Variants in AKIRIN2 observed in about 807,000 individuals in gnomAD.
AKIRIN2 encodes akirin 2.
AKIRIN2 carries 6 observed loss-of-function variants against 29.3 expected under a neutral mutation model. That is an observed-to-expected ratio of 0.20 (90% CI 0.11 to 0.40). The LOEUF (loss-of-function observed/expected upper bound fraction) is 0.40. Ranked by LOEUF, AKIRIN2 falls within the 10% of genes least tolerant of loss-of-function variation. The pLI is 1.00. For synonymous variants in AKIRIN2, 128 were observed against 117.5 expected (o/e 1.09, Z -0.58); for missense variants, 210 against 276.1 (o/e 0.76, Z 1.70).
In AKIRIN2 at chr6:87,675,574, C is replaced by A; in HGVS notation, c.*23G>T. ...AACAACTCAACAAGGAACAAGGCAG[C>A]CCACAAATGCAGGATACGTGATTCA... On this transcript the variant is annotated 3_prime_UTR_variant, in exon 5 of 5. Coordinates refer to ENST00000257787, the MANE Select transcript of AKIRIN2 (RefSeq NM_018064.4). 6.2e-7 allele frequency: 1 copy of A among 1,613,830 alleles called. No individual in the cohort carries two copies. Among genetic ancestry groups the A allele is most frequent in the Non-Finnish European group, 8.5e-7 (1 of 1,179,832 alleles).
chr6:87,686,139 C>A (rs530007160), intron 1 of AKIRIN2, among the ~76,000 whole-genome samples: 1 of 151,930 alleles, frequency 6.6e-6, no homozygotes, highest in Non-Finnish European at 1.5e-5. Context: ...TGCTTGAACC[C>A]GGGAGGAAGA....
chr6:87,701,599 G>C lies in AKIRIN2; in HGVS notation c.86C>G (p.Pro29Arg). Residue 29 changes from proline (P) to arginine (R), a missense_variant, in exon 1 of 5, where the codon CCA (proline) becomes CGA (arginine). By Grantham distance (103) the Pro-to-Arg change is moderately radical. Around this residue, in one of 2 missense-constraint regions of AKIRIN2, gnomAD observed 199 missense variants for 236.5 expected, o/e 0.84. Transcript: ENST00000257787. Reference protein sequence around the residue: ...PASPKRRRCAPLSAPTSAAAS... With the variant: ...PASPKRRRCARLSAPTSAAAS... ...AGCGGCCGAGGTGGGCGCCGACAAT[G>C]GCGCACATCGCCTGCGCTTCGGGGA... 7.0e-7 allele frequency: 1 copy of C among 1,438,246 alleles called. No individual in the cohort carries two copies. Among genetic ancestry groups the C allele is most frequent in the Non-Finnish European group, 9.1e-7 (1 of 1,098,388 alleles). 89.1% of individuals were successfully genotyped at this position (1,438,246 alleles called of 1,614,324 possible).
chr6:87,700,622 C>A (rs900844468), intron 1 of AKIRIN2: 1 of 152,216 alleles, frequency 6.6e-6, no homozygotes, highest in Admixed American at 6.5e-5. Context: ...GTCTGAAGTC[C>A]CTTGGAATCT....
At position 87,676,190 on chromosome 6, in the gene AKIRIN2, T is replaced by C. The variant is rs139976278; in HGVS notation, c.530-259A>G. On this transcript the variant is annotated intron_variant, in intron 3 of 4. Coordinates refer to ENST00000257787, the MANE Select transcript of AKIRIN2 (RefSeq NM_018064.4). The stretch of plus-strand genomic sequence containing the variant: ...TCCTAACAAAAAGGCTGGGACCGGG[T>C]GCGGTGGCTCACGCCTGTAATCCAA... 3.6e-3 allele frequency among the ~76,000 whole-genome samples: 538 copies of C among 151,434 alleles called. 2 individuals are homozygous for C. Among genetic ancestry groups the C allele is most frequent in the African/African-American group, 0.011 (434 of 41,242 alleles).
Position 87,701,772 on chromosome 6 carries a change from A to G in AKIRIN2, c.-88T>C, listed in dbSNP as rs941473146. ...GTGAGGGAAGGGGTGAAGAGCGGGA[A>G]CTCGAGGAGAGCCTACCCGACGGGC... is the stretch of plus-strand genomic sequence containing the variant. On this transcript the variant is annotated 5_prime_UTR_variant, in exon 1 of 5. Transcript: ENST00000257787. 1.0e-6 allele frequency: 1 copy of G among 977,926 alleles called. No homozygotes were observed. The highest frequency in any genetic ancestry group is 1.4e-6 in the Non-Finnish European group (1 of 718,500). The allele number at this position is 977,926 out of a possible 1,614,324, so 60.6% of individuals were successfully genotyped here.
chr6:87,692,008 G>A (rs1771284721), intron 1 of AKIRIN2, among the ~76,000 whole-genome samples: 1 of 152,236 alleles, frequency 6.6e-6, no homozygotes, highest in Non-Finnish European at 1.5e-5. Flanking sequence ...CCAATTGAGA[G>A]AAGAAATGGA....
At chr6:87,680,156 G>A (rs182696384) in intron 2 of AKIRIN2, among the ~76,000 whole-genome samples, 11 of 152,244 alleles carry the variant, frequency 7.2e-5, no homozygotes, top group Admixed American at 7.2e-4. Flanking sequence ...ATACAGTCTA[G>A]TGCCCAACCC....
At chr6:87,693,126 G>A (rs1771303200) in intron 1 of AKIRIN2, among the ~76,000 whole-genome samples, 1 of 152,062 alleles carries the variant, frequency 6.6e-6, no homozygotes, top group Non-Finnish European at 1.5e-5. Context: ...CTACTCGGGA[G>A]GCTGAGGCAG....
At chr6:87,691,346 CAGG>C (rs1582123335) in intron 1 of AKIRIN2, among the ~76,000 whole-genome samples, 1 of 147,850 alleles carries the variant, frequency 6.8e-6, no homozygotes, top group Non-Finnish European at 1.5e-5. Flanking sequence ...GTGGCTGAGG[CAGG>C]AGAATTGCTT....
At chr6:87,689,881 C>T (rs755758277) in intron 1 of AKIRIN2, among the ~76,000 whole-genome samples, 9 of 152,198 alleles carry the variant, frequency 5.9e-5, no homozygotes, top group Non-Finnish European at 1.2e-4. Flanking sequence ...ACATCTGGAA[C>T]TATGCGTATT....
intron 1 of AKIRIN2, chr6:87,700,987 G>A (rs2128303448): frequency 7.2e-6 from 1 of 139,520 alleles, no homozygotes; most frequent in African/African-American, 2.8e-5. Flanking sequence ...ACTGAAGGAG[G>A]GGCTGTAGCC....
Position 87,681,676 on chromosome 6 carries a change from C to A in AKIRIN2, c.323G>T (p.Cys108Phe), listed in dbSNP as rs774245889. 6.2e-7 allele frequency: 1 copy of A among 1,613,800 alleles called. No individual in the cohort carries two copies. Among genetic ancestry groups the A allele is most frequent in the South Asian group, 1.1e-5 (1 of 91,002 alleles). ...LETSFQQTDPCCTSDAQPHAF... is the reference protein window; with the variant it reads ...LETSFQQTDPFCTSDAQPHAF... ...ATGTGGCTGTGCATCAGAAGTACAA[C>A]ACGGATCTGTCTGTTGGAAACTCGT... Residue 108 changes from cysteine to phenylalanine, a missense_variant, in exon 2 of 5, where the codon TGT becomes TTT. Physicochemically the swap from Cys to Phe is radical, Grantham distance 205. Coordinates refer to ENST00000257787, the MANE Select transcript of AKIRIN2 (RefSeq NM_018064.4).
At chr6:87,678,043 T>C in intron 2 of AKIRIN2, 76 bp from the exon 3 acceptor site, 2 of 1,325,126 alleles carry the variant, frequency 1.5e-6, no homozygotes, top group East Asian at 4.7e-5. Context: ...GAAGAGGTTT[T>C]ATTTGGATCT....
At chr6:87,675,704 T>C in intron 4 of AKIRIN2, 97 bp from the exon 5 acceptor site, 1 of 1,521,136 alleles carries the variant, frequency 6.6e-7, no homozygotes, top group East Asian at 2.3e-5. Flanking sequence ...GGTATTTAAG[T>C]AACCAAAAGA....
chr6:87,696,254 TTTATA>T (rs1186594482), intron 1 of AKIRIN2, among the ~76,000 whole-genome samples: 1 of 152,018 alleles, frequency 6.6e-6, no homozygotes, highest in East Asian at 1.9e-4. Context: ...ACTGAAGAAA[TTTATA>T]TTATTCTCCT....
intron 1 of AKIRIN2, among the ~76,000 whole-genome samples, chr6:87,687,439 C>CAAAA (rs201472497): frequency 0.017 from 1,831 of 109,082 alleles, 89 homozygotes; most frequent in African/African-American, 0.056. Flanking sequence ...AATTCCGTTT[C>CAAAA]AAAAAAAAAA....
chr6:87,687,044 CAAA>C (rs10652176), intron 1 of AKIRIN2, among the ~76,000 whole-genome samples: 8 of 67,420 alleles, frequency 1.2e-4, no homozygotes, highest in Non-Finnish European at 1.2e-4. Context: ...GACTTAGACT[CAAA>C]AAAAAAAAAA....
At chr6:87,685,026 C>CCAACA (rs1771167067) in intron 1 of AKIRIN2, among the ~76,000 whole-genome samples, 1 of 152,190 alleles carries the variant, frequency 6.6e-6, no homozygotes, top group East Asian at 1.9e-4. Flanking sequence ...CACATCCTTG[C>CCAACA]CAACACTTGA....
At chr6:87,694,833 A>C (rs1349960762) in intron 1 of AKIRIN2, among the ~76,000 whole-genome samples, 1 of 152,220 alleles carries the variant, frequency 6.6e-6, no homozygotes, top group African/African-American at 2.4e-5. Flanking sequence ...AAAAATTGTT[A>C]TACTGTAAAA....
Sources: gnomAD v4.1 joint callset for allele counts (sites outside exome capture counted in the v4.1 genomes callset) on GRCh38, gnomAD v4.1.1 for gene constraint, gnomAD v4.1.1 regional missense constraint, MANE v1.5 for transcripts, NCBI Gene and HGNC (gene_info 2026-07-23, HGNC 2026-07-21) for gene names.